TENM3: variants seen among roughly 807,000 people sequenced by gnomAD.
TENM3 encodes the protein teneurin transmembrane protein 3.
A neutral mutation model predicts 255.1 loss-of-function variants in TENM3; 63 were observed. The ratio of observed to expected loss-of-function variants is 0.25; its 90% confidence interval spans 0.20 to 0.30. TENM3 has a LOEUF of 0.30. Ranked by LOEUF, TENM3 falls within the 10% of genes least tolerant of loss-of-function variation. TENM3 has a pLI of 1.00. For missense variants in TENM3, 2,929 were observed against 3,461.1 expected (o/e 0.85, Z 3.86); for synonymous variants, 1,306 against 1,322.3 (o/e 0.99, Z 0.27).
chr4:182,750,411 G>A (rs1168683671), intron 19 of TENM3, among the ~76,000 whole-genome samples: 1 of 152,070 alleles, frequency 6.6e-6, no homozygotes, highest in Non-Finnish European at 1.5e-5. Flanking sequence ...GCTCCACAAG[G>A]CCTCTACAGA....
chr4:181,515,839 T>TGGGAATATATATA, the TENM3 span, among the ~76,000 whole-genome samples: 1 of 152,074 alleles, frequency 6.6e-6, no homozygotes, highest in Non-Finnish European at 1.5e-5. Flanking sequence ...AGCAATCCCC[T>TGGGAATATATATA]TACTGGGAAT....
the TENM3 span, among the ~76,000 whole-genome samples, chr4:182,057,894 A>T: frequency 7.9e-5 from 12 of 152,192 alleles, no homozygotes; most frequent in African/African-American, 2.6e-4. Context: ...CATCTTTGTA[A>T]ACCAAATAAA....
chr4:182,397,349 C>T (rs951556170), intron 3 of TENM3, among the ~76,000 whole-genome samples: 50 of 128,152 alleles, frequency 3.9e-4, no homozygotes, highest in African/African-American at 1.3e-3. Flanking sequence ...TGCAGTGAGC[C>T]GAGATCGCAC....
chr4:181,737,085 C>T, the TENM3 span, among the ~76,000 whole-genome samples: 6 of 152,056 alleles, frequency 3.9e-5, no homozygotes, highest in South Asian at 2.1e-4. Flanking sequence ...CATCAGCTAC[C>T]GGTAGTTCTT....
the TENM3 span, among the ~76,000 whole-genome samples, chr4:181,839,716 C>A: frequency 6.6e-6 from 1 of 151,190 alleles, no homozygotes; most frequent in African/African-American, 2.4e-5. Context: ...ATATTATCAT[C>A]TTCTTTGGTC....
At chr4:181,801,008 T>G in the TENM3 span, among the ~76,000 whole-genome samples, 7 of 152,078 alleles carry the variant, frequency 4.6e-5, no homozygotes, top group African/African-American at 1.4e-4. Flanking sequence ...GCCAAGTAAT[T>G]GTGTTATGGC....
chr4:182,303,525 T>C (rs1202802989), intron 1 of TENM3, among the ~76,000 whole-genome samples: 1 of 152,214 alleles, frequency 6.6e-6, no homozygotes, highest in Non-Finnish European at 1.5e-5. Context: ...CAACTGTGTA[T>C]ACCTGCCCTG....
chr4:182,749,388 C>A (rs1052802465), intron 19 of TENM3, among the ~76,000 whole-genome samples: 1 of 152,010 alleles, frequency 6.6e-6, no homozygotes, highest in East Asian at 1.9e-4. Context: ...CAGTTTTTTT[C>A]TTTTAATATT....
At chr4:182,329,081 T>C (rs1338085098) in intron 2 of TENM3, among the ~76,000 whole-genome samples, 3 of 152,130 alleles carry the variant, frequency 2.0e-5, no homozygotes, top group South Asian at 2.1e-4. Context: ...CCTGGCATGA[T>C]GGTGGCTTGA....
chr4:182,119,434 T>G, the TENM3 span, among the ~76,000 whole-genome samples: 2 of 151,878 alleles, frequency 1.3e-5, no homozygotes, highest in African/African-American at 4.8e-5. Context: ...AATTCATCAA[T>G]TACGGTTCCG....
At chr4:182,310,625 G>A (rs1481380823) in intron 1 of TENM3, among the ~76,000 whole-genome samples, 2 of 151,966 alleles carry the variant, frequency 1.3e-5, no homozygotes, top group African/African-American at 2.4e-5. Flanking sequence ...CCCACGACTG[G>A]GGTCTGTTCC....
At chr4:182,538,888 A>G (rs574979917) in intron 3 of TENM3, among the ~76,000 whole-genome samples, 1 of 152,158 alleles carries the variant, frequency 6.6e-6, no homozygotes, top group East Asian at 2.0e-4. Context: ...TTGGGGGCTG[A>G]GGAAAGATCC....
intron 3 of TENM3, among the ~76,000 whole-genome samples, chr4:182,596,829 C>T (rs1747287103): frequency 6.6e-6 from 1 of 152,124 alleles, no homozygotes; most frequent in African/African-American, 2.4e-5. Context: ...GTTGCAGTAA[C>T]ATTAAACCTG....
At chr4:182,681,443 A>G (rs1756168018) in intron 10 of TENM3, among the ~76,000 whole-genome samples, 1 of 152,208 alleles carries the variant, frequency 6.6e-6, no homozygotes, top group Admixed American at 6.5e-5. Context: ...TTTCTCAAAC[A>G]GTGTGAGGAT....
chr4:182,393,361 A>T (rs753462443), intron 3 of TENM3, among the ~76,000 whole-genome samples: 44 of 152,352 alleles, frequency 2.9e-4, no homozygotes, highest in Admixed American at 1.2e-3. Flanking sequence ...CCGCCATAAT[A>T]TACGCATCTT....
intron 1 of TENM3, among the ~76,000 whole-genome samples, chr4:182,276,504 C>T (rs1157126878): frequency 6.6e-6 from 1 of 152,158 alleles, no homozygotes; most frequent in Non-Finnish European, 1.5e-5. Context: ...AGAGGACTTG[C>T]GGTGTTACAC....
the TENM3 span, among the ~76,000 whole-genome samples, chr4:181,580,559 G>T: frequency 3.3e-5 from 5 of 152,144 alleles, no homozygotes; most frequent in East Asian, 1.9e-4. Context: ...CAGAAGTGGG[G>T]CCCCCAGCAC....
the TENM3 span, among the ~76,000 whole-genome samples, chr4:181,772,989 G>A: frequency 6.6e-6 from 1 of 151,958 alleles, no homozygotes; most frequent in African/African-American, 2.4e-5. Context: ...AGAGACATAG[G>A]GCACCCCCCC....
the TENM3 span, among the ~76,000 whole-genome samples, chr4:181,560,862 G>A: frequency 1.3e-5 from 2 of 152,202 alleles, no homozygotes; most frequent in African/African-American, 4.8e-5. Context: ...AAATCAAACA[G>A]GAGGGCATGG....
Sources: allele counts gnomAD v4.1 joint callset (sites outside exome capture counted in the v4.1 genomes callset), GRCh38; gene constraint gnomAD v4.1.1; transcripts MANE v1.5; gene names NCBI Gene and HGNC (gene_info 2026-07-23, HGNC 2026-07-21).